The following RBM47 variants were observed in gnomAD, a reference collection of about 807,000 sequenced individuals.
RBM47 encodes the protein RNA-binding protein 47.
In RBM47, 21 loss-of-function variants were observed where a neutral mutation model predicts 47.1. The ratio of observed to expected loss-of-function variants is 0.45; its 90% CI spans 0.32 to 0.64. The LOEUF is 0.64. Ranked by LOEUF, RBM47 falls within the 30% of genes least tolerant of loss-of-function variation. RBM47 has a pLI of 0.05. For missense variants in RBM47, 708 were observed against 870.9 expected (o/e 0.81, Z 2.35); for synonymous variants, 375 against 361.7 (o/e 1.04, Z -0.42).
At chr4:40,478,673 GAGAC>G (rs1380227172) in intron 2 of RBM47, among the ~76,000 whole-genome samples, 1 of 152,106 alleles carries the variant, frequency 6.6e-6, no homozygotes, top group Non-Finnish European at 1.5e-5. Flanking sequence ...CTTATTTTTA[GAGAC>G]AGGTCTTGCT....
intron 2 of RBM47, among the ~76,000 whole-genome samples, chr4:40,526,353 TAG>T (rs1446318616): frequency 1.3e-5 from 2 of 152,114 alleles, no homozygotes; most frequent in African/African-American, 4.8e-5. Context: ...ATAGAGAAGA[TAG>T]AGTTTAATTC....
chr4:40,558,272 T>A (rs1730281481), intron 1 of RBM47, among the ~76,000 whole-genome samples: 1 of 152,222 alleles, frequency 6.6e-6, no homozygotes, highest in South Asian at 2.1e-4. Flanking sequence ...TTTTTCTCCC[T>A]GTGAACTTTT....
At chr4:40,536,833 C>G (rs1728040445) in intron 2 of RBM47, among the ~76,000 whole-genome samples, 1 of 152,046 alleles carries the variant, frequency 6.6e-6, no homozygotes, top group South Asian at 2.1e-4. Flanking sequence ...TCAAGCAATT[C>G]TCCTGCCTCA....
intron 1 of RBM47, among the ~76,000 whole-genome samples, chr4:40,574,001 G>C (rs1408790319): frequency 6.6e-6 from 1 of 152,110 alleles, no homozygotes; most frequent in Non-Finnish European, 1.5e-5. Context: ...TGGATCAGAT[G>C]ACCTTTTGCC....
At chr4:40,428,679 A>G (rs1381428732) in intron 6 of RBM47, among the ~76,000 whole-genome samples, 2 of 152,210 alleles carry the variant, frequency 1.3e-5, no homozygotes, top group East Asian at 3.8e-4. Flanking sequence ...TCCAACACCA[A>G]GTTTTGCACA....
chr4:40,594,848 C>T (rs1424154027), intron 1 of RBM47, among the ~76,000 whole-genome samples: 1 of 152,092 alleles, frequency 6.6e-6, no homozygotes, highest in East Asian at 1.9e-4. Context: ...CCTAGTAGTA[C>T]TTATCATTTT....
rs1324992772 is a variant in RBM47 at position 40,423,652 on chromosome 4, T to TTCTCTTTCTTTCTTTC, written c.*2251_*2252insGAAAGAAAGAAAGAGA. The TTCTCTTTCTTTCTTTC allele has an allele frequency of 7.7e-6, 1 of 129,168 alleles. No homozygotes were observed. Among genetic ancestry groups the TTCTCTTTCTTTCTTTC allele is most frequent in the Non-Finnish European group, 1.6e-5 (1 of 61,352 alleles). The allele number at this position is 129,168 out of a possible 1,614,324, so 8.0% of individuals were successfully genotyped here. Reference sequence around the variant, plus strand: ...TCATTTTTTTTTATTCTTTCTTTCTTTTTCTTTCTTTCTTTCTTTCTTTCT... The same window carrying TTCTCTTTCTTTCTTTC: ...TCATTTTTTTTTATTCTTTCTTTCTTTCTCTTTCTTTCTTTCTTTCTTTCTTTCTTTCTTTCTTTCT... On this transcript the variant is annotated 3_prime_UTR_variant, in exon 7 of 7. Coordinates refer to ENST00000295971, the MANE Select transcript of RBM47 (RefSeq NM_001098634.2).
intron 1 of RBM47, among the ~76,000 whole-genome samples, chr4:40,581,558 G>C (rs1228774066): frequency 2.0e-5 from 3 of 151,380 alleles, no homozygotes; most frequent in Non-Finnish European, 4.4e-5. Flanking sequence ...GGTTTGTTTG[G>C]TTTCTTGGAG....
chr4:40,577,217 T>C (rs1051350030), intron 1 of RBM47, among the ~76,000 whole-genome samples: 2 of 152,156 alleles, frequency 1.3e-5, no homozygotes, highest in Non-Finnish European at 1.5e-5. Flanking sequence ...AGCCAAGAGA[T>C]GGATTGGGAC....
At chr4:40,600,925 C>T (rs899203980) in intron 1 of RBM47, among the ~76,000 whole-genome samples, 42 of 135,002 alleles carry the variant, frequency 3.1e-4, no homozygotes, top group Admixed American at 2.8e-3. Flanking sequence ...GCGGAGTTTG[C>T]GGTAAGCCAA....
At chr4:40,521,685 A>G (rs977041788) in intron 2 of RBM47, among the ~76,000 whole-genome samples, 1 of 152,184 alleles carries the variant, frequency 6.6e-6, no homozygotes, top group African/African-American at 2.4e-5. Context: ...AGACTTGAAT[A>G]TTTGGCAGAC....
At chr4:40,458,476 G>T (rs1434932117) in intron 3 of RBM47, among the ~76,000 whole-genome samples, 1 of 152,134 alleles carries the variant, frequency 6.6e-6, no homozygotes, top group Admixed American at 6.5e-5. Context: ...TCTCAACATT[G>T]AAAAAGTCAT....
At chr4:40,561,137 T>C (rs1730578434) in intron 1 of RBM47, among the ~76,000 whole-genome samples, 1 of 151,924 alleles carries the variant, frequency 6.6e-6, no homozygotes, top group Non-Finnish European at 1.5e-5. Flanking sequence ...TAAAGAAGAC[T>C]GAGGTCCAGA....
intron 1 of RBM47, among the ~76,000 whole-genome samples, chr4:40,554,405 C>CA (rs59793972): frequency 0.33 from 29,533 of 90,848 alleles, 4,581 homozygotes; most frequent in African/African-American, 0.49. Flanking sequence ...AAGCAAACCT[C>CA]AAAAAAAAAA....
chr4:40,532,748 ATT>A (rs1727539078), intron 2 of RBM47, among the ~76,000 whole-genome samples: 1 of 149,400 alleles, frequency 6.7e-6, no homozygotes, highest in African/African-American at 2.5e-5. Flanking sequence ...GTCAGATGAG[ATT>A]TTTGAGACCC....
chr4:40,436,338 C>T, intron 5 of RBM47, 103 bp downstream of exon 5: 1 of 1,120,712 alleles, frequency 8.9e-7, no homozygotes, highest in African/African-American at 1.5e-5. Flanking sequence ...GAAGAGGAAC[C>T]CCTGTGCAGA....
At chr4:40,575,170 A>G (rs1400519905) in intron 1 of RBM47, among the ~76,000 whole-genome samples, 1 of 152,214 alleles carries the variant, frequency 6.6e-6, no homozygotes, top group Non-Finnish European at 1.5e-5. Flanking sequence ...AAGATTGAGA[A>G]ACCCTACATT....
chr4:40,512,619 G>T (rs920367668), intron 2 of RBM47, among the ~76,000 whole-genome samples: 27 of 150,698 alleles, frequency 1.8e-4, no homozygotes, highest in African/African-American at 6.6e-4. Context: ...GGAGGCTGAG[G>T]TGGGAGAATC....
intron 1 of RBM47, among the ~76,000 whole-genome samples, chr4:40,571,241 G>T (rs1236814294): frequency 6.8e-6 from 1 of 147,880 alleles, no homozygotes; most frequent in Non-Finnish European, 1.5e-5. Context: ...GAAAAGAAAA[G>T]AAAATACTGA....
Sources: gnomAD v4.1 joint callset for allele counts (sites outside exome capture counted in the v4.1 genomes callset) on GRCh38, gnomAD v4.1.1 for gene constraint, MANE v1.5 for transcripts, NCBI Gene and HGNC (gene_info 2026-07-23, HGNC 2026-07-21) for gene names.